Variants in RELN observed in about 807,000 individuals in gnomAD.
RELN encodes reelin.
A neutral mutation model predicts 427.6 loss-of-function variants in RELN; 108 were observed. The ratio of observed to expected loss-of-function variants is 0.25; its 90% CI spans 0.22 to 0.30. RELN has a LOEUF of 0.30. Ranked by LOEUF, RELN falls within the 10% of genes least tolerant of loss-of-function variation. The pLI, the probability that RELN is intolerant of heterozygous loss-of-function variation, is 1.00. For synonymous variants in RELN, 1,524 were observed against 1,513.4 expected (o/e 1.01, Z -0.16); for missense variants, 3,715 against 4,302.8 (o/e 0.86, Z 3.82).
chr7:103,832,037 G>A (rs1406121440), intron 3 of RELN, among the ~76,000 whole-genome samples: 1 of 152,164 alleles, frequency 6.6e-6, no homozygotes, highest in African/African-American at 2.4e-5. Context: ...ATATCAACCA[G>A]TTATGTGAGA....
rs772402760 is a variant in RELN, at chr7:103,696,323, C to T, written c.1143+1530G>A. On this transcript the variant is annotated intron_variant, in intron 10 of 64. Transcript: ENST00000428762. ...GCAATTTCATATTCCATGCACTCTCCGGGCAGGCAAGCCCATGATTTGAAT... is the reference window on the plus strand; with the variant it reads ...GCAATTTCATATTCCATGCACTCTCTGGGCAGGCAAGCCCATGATTTGAAT... Among the ~76,000 whole-genome samples the T allele has an allele frequency of 5.3e-4, 80 of 152,202 alleles. 2 individuals are homozygous for T. The highest frequency in any genetic ancestry group is 4.6e-3 in the Admixed American group (70 of 15,286).
intron 1 of RELN, among the ~76,000 whole-genome samples, chr7:103,952,943 T>C (rs1350659462): frequency 6.6e-6 from 1 of 152,192 alleles, no homozygotes; most frequent in Non-Finnish European, 1.5e-5. Context: ...TCTGGCCTCA[T>C]TAAAAGGTGT....
intron 2 of RELN, among the ~76,000 whole-genome samples, chr7:103,836,471 A>G (rs187662515): frequency 6.6e-6 from 1 of 152,298 alleles, no homozygotes; most frequent in East Asian, 1.9e-4. Flanking sequence ...AGAAAGCTCT[A>G]TTGATGTCAC....
intron 2 of RELN, among the ~76,000 whole-genome samples, chr7:103,867,747 TATG>T (rs1451859266): frequency 1.3e-5 from 2 of 152,116 alleles, no homozygotes; most frequent in Non-Finnish European, 1.5e-5. Context: ...TGCAGGAGGC[TATG>T]ATGTTTAGTA....
chr7:103,893,122 TG>T (rs1305816327), intron 2 of RELN, among the ~76,000 whole-genome samples: 2 of 152,168 alleles, frequency 1.3e-5, no homozygotes, highest in Admixed American at 6.6e-5. Flanking sequence ...TTCTCTTTTC[TG>T]CTCCCAAAAG....
Position 103,500,787 on chromosome 7 carries a change from C to G in RELN, c.8625G>C (p.Pro2875=). The G allele has an allele frequency of 6.2e-7, 1 of 1,614,072 alleles. No homozygotes were observed. Among genetic ancestry groups the G allele is most frequent in the Non-Finnish European group, 8.5e-7 (1 of 1,179,980 alleles). Residue 2875 remains proline (P), a synonymous_variant, in exon 53 of 65, where the codon CCG becomes CCC. Coordinates refer to ENST00000428762, the MANE Select transcript of RELN (RefSeq NM_005045.4). ...AGTAGCAGTTTGGCCCTGAGTATCC[C>G]GGATCACAGATGCACTGTTCCCTTA... ...DCLREQCICD[P]GYSGPNCYLT... is the part of the protein sequence containing the mutation.
At chr7:103,593,328 A>G (rs774464832) in intron 27 of RELN, among the ~76,000 whole-genome samples, 1 of 152,190 alleles carries the variant, frequency 6.6e-6, no homozygotes, top group Non-Finnish European at 1.5e-5. Context: ...AAGTTCAAAT[A>G]CCACTAGCAA....
At chr7:103,910,972 G>A (rs1364305537) in intron 2 of RELN, among the ~76,000 whole-genome samples, 1 of 139,132 alleles carries the variant, frequency 7.2e-6, no homozygotes, top group African/African-American at 3.0e-5. Flanking sequence ...AACACCAAAA[G>A]CAATGGCAAC....
intron 22 of RELN, among the ~76,000 whole-genome samples, chr7:103,609,168 A>G (rs1831888048): frequency 1.3e-5 from 2 of 150,406 alleles, no homozygotes; most frequent in Admixed American, 6.7e-5. Context: ...GGCTGCAATG[A>G]GCCAAGGTCG....
intron 3 of RELN, among the ~76,000 whole-genome samples, chr7:103,779,886 C>G (rs1029290081): frequency 2.0e-5 from 3 of 152,150 alleles, no homozygotes; most frequent in Admixed American, 1.3e-4. Flanking sequence ...CGCCGCCATG[C>G]CCAGCTAATT....
At chr7:103,942,237 T>G (rs943009916) in intron 1 of RELN, among the ~76,000 whole-genome samples, 1 of 152,194 alleles carries the variant, frequency 6.6e-6, no homozygotes, top group African/African-American at 2.4e-5. Flanking sequence ...ATAGTAGATC[T>G]CCAGAATTTA....
chr7:103,677,291 T>C (rs1472984896), intron 11 of RELN, among the ~76,000 whole-genome samples: 2 of 150,868 alleles, frequency 1.3e-5, no homozygotes, highest in Non-Finnish European at 3.0e-5. Flanking sequence ...GGGATAACAT[T>C]AGGAGAAATA....
At chr7:103,978,446 C>A (rs1290963004) in intron 1 of RELN, among the ~76,000 whole-genome samples, 1 of 152,160 alleles carries the variant, frequency 6.6e-6, no homozygotes, top group Non-Finnish European at 1.5e-5. Context: ...ACTGCTTCTA[C>A]AGGATGGCAA....
intron 8 of RELN, among the ~76,000 whole-genome samples, chr7:103,706,943 CAT>C (rs1834215369): frequency 6.6e-6 from 1 of 152,196 alleles, no homozygotes; most frequent in African/African-American, 2.4e-5. Flanking sequence ...TCTCTGCCCT[CAT>C]AGCCTGTCAC....
At chr7:103,712,633 T>A (rs1421454117) in intron 8 of RELN, among the ~76,000 whole-genome samples, 1 of 152,224 alleles carries the variant, frequency 6.6e-6, no homozygotes, top group Non-Finnish European at 1.5e-5. Context: ...GAAATAATGA[T>A]CATAAATAGC....
intron 1 of RELN, among the ~76,000 whole-genome samples, chr7:103,947,990 A>G (rs1183041190): frequency 3.9e-5 from 6 of 152,218 alleles, no homozygotes; most frequent in Non-Finnish European, 8.8e-5. Context: ...AACTACAACA[A>G]AGAAAAAGGT....
intron 15 of RELN, among the ~76,000 whole-genome samples, 192 bp from the exon 16 acceptor site, chr7:103,650,575 G>A (rs1410096863): frequency 1.3e-5 from 2 of 151,962 alleles, no homozygotes; most frequent in Non-Finnish European, 2.9e-5. Flanking sequence ...AAACATCCAC[G>A]GTATGCCAGA....
At chr7:103,975,941 A>C (rs1796870766) in intron 1 of RELN, among the ~76,000 whole-genome samples, 1 of 152,132 alleles carries the variant, frequency 6.6e-6, no homozygotes, top group Non-Finnish European at 1.5e-5. Context: ...CAGGCATACA[A>C]GGCCATCTAG....
At chr7:103,651,180 C>T (rs894392189) in intron 15 of RELN, among the ~76,000 whole-genome samples, 2 of 152,048 alleles carry the variant, frequency 1.3e-5, no homozygotes, top group Non-Finnish European at 2.9e-5. Context: ...AATGCTTATT[C>T]TGTAATGTGG....
Sources: allele counts gnomAD v4.1 joint callset (sites outside exome capture counted in the v4.1 genomes callset), GRCh38; gene constraint gnomAD v4.1.1; transcripts MANE v1.5; gene names NCBI Gene and HGNC (gene_info 2026-07-23, HGNC 2026-07-21).